The following NPSR1 variants were observed in gnomAD, a reference collection of about 807,000 sequenced individuals.
NPSR1 encodes the protein neuropeptide S receptor.
Under a neutral mutation model 46.9 loss-of-function variants are expected in NPSR1, and 48 were observed. The ratio of observed to expected loss-of-function variants is 1.02; its 90% CI spans 0.81 to 1.30. The LOEUF (loss-of-function observed/expected upper bound fraction) is 1.30, where lower values mean the gene tolerates loss of function less well. Ranked by LOEUF, NPSR1 falls within the 50% of genes most tolerant of loss-of-function variation. NPSR1 has a pLI of 0.00. For synonymous variants in NPSR1, 176 were observed against 168.1 expected, an observed-to-expected ratio of 1.05 and a Z score of -0.36; for missense variants, 450 against 449.5, an observed-to-expected ratio of 1.00 and a Z score of -0.01.
At chr7:34,841,045 T>A (rs960808024) in intron 6 of NPSR1, among the ~76,000 whole-genome samples, 9 of 152,234 alleles carry the variant, frequency 5.9e-5, no homozygotes, top group African/African-American at 2.2e-4. Flanking sequence ...GTTTCAAGAA[T>A]TTTAGAAATC....
At chr7:34,770,329 TC>T (rs1786621054) in intron 2 of NPSR1, among the ~76,000 whole-genome samples, 1 of 152,214 alleles carries the variant, frequency 6.6e-6, no homozygotes, top group African/African-American at 2.4e-5. Context: ...ACTGCTCACA[TC>T]TGACCTTCTC....
At chr7:34,750,718 A>G (rs1785474473) in intron 2 of NPSR1, 1 of 697,730 alleles carries the variant, frequency 1.4e-6, no homozygotes, top group Non-Finnish European at 2.7e-6. Context: ...AACAGTCAAA[A>G]TTGCCAAGCA....
intron 2 of NPSR1, chr7:34,750,692 G>T (rs1785473120): frequency 2.8e-6 from 2 of 701,828 alleles, no homozygotes; most frequent in East Asian, 5.9e-5. Context: ...GGACTCATCT[G>T]ACAGTTTATC....
intron 2 of NPSR1, among the ~76,000 whole-genome samples, chr7:34,720,048 G>A (rs376542494): frequency 6.6e-6 from 1 of 151,796 alleles, no homozygotes; most frequent in East Asian, 1.9e-4. Context: ...TTGGGAGGCC[G>A]AGGCGGGTGG....
At position 34,777,671 on chromosome 7, in the gene NPSR1, C is replaced by A. The variant is rs115260162; in HGVS notation, c.281-791C>A. ...ATCAGTGGAACCTTCTATTCTGCAA[C>A]CTTGCCTGCAGCACTCTTTTGAGAA... On this transcript the variant is annotated intron_variant, in intron 2 of 8. Coordinates refer to ENST00000360581, the MANE Select transcript of NPSR1 (RefSeq NM_207172.2). 5.7e-3 allele frequency among the ~76,000 whole-genome samples: 867 copies of A among 152,184 alleles called. 6 individuals carry two copies. Among genetic ancestry groups the A allele is most frequent in the African/African-American group, 0.017 (721 of 41,504 alleles).
intron 3 of NPSR1, among the ~76,000 whole-genome samples, chr7:34,791,080 T>A (rs1410439529): frequency 2.0e-5 from 2 of 100,654 alleles, no homozygotes; most frequent in Non-Finnish European, 3.6e-5. Context: ...TTATATATGT[T>A]ATATGTTATA....
rs753340586 is a variant in NPSR1 at position 34,827,438 on chromosome 7, C to G, written c.516C>G (p.Ser172Arg). 2.5e-6 allele frequency: 4 copies of G among 1,613,926 alleles called. No homozygotes were observed. The highest frequency in any genetic ancestry group is 2.5e-6 in the Non-Finnish European group (3 of 1,180,018). The change falls in exon 5 of 9, where the codon AGC (serine) becomes AGG (arginine). Residue 172 changes from serine (S) to arginine (R), a missense_variant. Ser to Arg is a moderately radical substitution (Grantham distance 110). Coordinates refer to ENST00000360581, the MANE Select transcript of NPSR1 (RefSeq NM_207172.2). ...QARVLIVIAWSLSFLFSIPTL... is the reference protein window; with the variant it reads ...QARVLIVIAWRLSFLFSIPTL... ...GGGTCCTCATTGTGATCGCCTGGAG[C>G]CTGTCTTTTCTGTTCTCCATTCCCA...
At chr7:34,845,585 C>G (rs1160275124) in intron 7 of NPSR1, 1 of 455,740 alleles carries the variant, frequency 2.2e-6, no homozygotes, top group Admixed American at 2.4e-5. Context: ...CCTGAGGGCT[C>G]CTTGATAAGT....
At position 34,858,865 on chromosome 7, in the gene NPSR1, G is replaced by T. The variant is rs148930766; in HGVS notation, c.1025+10202G>T. Reference sequence around the variant, plus strand: ...ATGGGAGCTACAGGATGAGATCTGGGGGGGGGACACAGATCCAAACCATAT... The same window carrying T: ...ATGGGAGCTACAGGATGAGATCTGGTGGGGGGACACAGATCCAAACCATAT... On this transcript the variant is annotated intron_variant, in intron 8 of 8. Transcript: ENST00000359791. Among the ~76,000 whole-genome samples, 19 of 151,826 alleles carry T rather than the reference G, an allele frequency of 1.3e-4. No individual in the cohort carries two copies. The East Asian group carries it at 1.4e-3, about 11-fold the overall frequency.
At chr7:34,851,340 G>A (rs375693382), downstream of NPSR1, among the ~76,000 whole-genome samples, 76 of 144,068 alleles carry the variant, frequency 5.3e-4, 1 homozygote, top group South Asian at 0.012. Flanking sequence ...TTTTCAATTC[G>A]ATCTGACCTT....
chr7:34,689,766 G>A (rs2128688547), intron 2 of NPSR1, among the ~76,000 whole-genome samples: 1 of 151,530 alleles, frequency 6.6e-6, no homozygotes, highest in African/African-American at 2.4e-5. Flanking sequence ...AACATAGTGA[G>A]ACCCCCATCT....
In NPSR1 at chr7:34,716,841, C is replaced by G. The variant is rs140581031; in HGVS notation, c.280+32157C>G. 4.9e-3 allele frequency among the ~76,000 whole-genome samples: 745 copies of G among 152,240 alleles called. 4 individuals are homozygous for G. Among genetic ancestry groups the G allele is most frequent in the Non-Finnish European group, 7.9e-3 (536 of 68,008 alleles). The stretch of plus-strand genomic sequence containing the variant: ...TAAGGGTCCTAATTCCTTTCTCAGC[C>G]TCTGGGTATCCCAAGTCTCTAACTT... On this transcript the variant is annotated intron_variant, in intron 2 of 8. Transcript: ENST00000360581.
intron 2 of NPSR1, among the ~76,000 whole-genome samples, chr7:34,730,200 T>C (rs2128713256): frequency 6.6e-6 from 1 of 152,352 alleles, no homozygotes; most frequent in East Asian, 1.9e-4. Context: ...ACAGAATTAA[T>C]GGTCAGAAAC....
At chr7:34,689,422 G>A (rs563913376) in intron 2 of NPSR1, among the ~76,000 whole-genome samples, 3 of 151,404 alleles carry the variant, frequency 2.0e-5, no homozygotes, top group East Asian at 2.0e-4. Flanking sequence ...TGGCTAATAC[G>A]GTGATACCCG....
chr7:34,821,067 C>T (rs368577494), intron 4 of NPSR1, among the ~76,000 whole-genome samples: 3 of 148,504 alleles, frequency 2.0e-5, no homozygotes, highest in Admixed American at 6.7e-5. Flanking sequence ...GAAATCCATT[C>T]GGAAGGTTGG....
At chr7:34,700,487 A>G (rs1793770288) in intron 2 of NPSR1, among the ~76,000 whole-genome samples, 1 of 152,324 alleles carries the variant, frequency 6.6e-6, no homozygotes, top group Admixed American at 6.5e-5. Context: ...CAGAGAAGAC[A>G]TACAAATCCC....
At position 34,827,270 on chromosome 7, in the gene NPSR1, A is replaced by ACTGAGGC; in HGVS notation, c.479-130_479-124dup. 3 of 664,368 alleles carry ACTGAGGC rather than the reference A, an allele frequency of 4.5e-6. No individual in the cohort carries two copies. The South Asian group carries it at 5.6e-5, about 12-fold the overall frequency. The allele number at this position is 664,368 out of a possible 1,614,324, so 41.2% of individuals were successfully genotyped here. ...TGTATCCCTGTTTACAGAGAAGGAA[A>ACTGAGGC]CTGAGGCTCTGGGAGGTTCTTTGAG... is the stretch of plus-strand genomic sequence containing the variant. On this transcript the variant is annotated intron_variant, in intron 4 of 8. Transcript: ENST00000360581.
Position 34,778,483 on chromosome 7 carries a change from A to T in NPSR1, c.302A>T (p.Asn101Ile), listed in dbSNP as rs1432152237. 1 of 1,609,088 alleles carries T rather than the reference A, an allele frequency of 6.2e-7. No individual in the cohort carries two copies. The highest frequency in any genetic ancestry group is 8.5e-7 in the Non-Finnish European group (1 of 1,176,182). ...TTAGATTCTTTCACAGGACTGGTCAACATCTTGACAGATATTAATTGGCGA... is the reference window on the plus strand; with the variant it reads ...TTAGATTCTTTCACAGGACTGGTCATCATCTTGACAGATATTAATTGGCGA... ...AITDSFTGLVNILTDINWRFT... is the reference protein window; with the variant it reads ...AITDSFTGLVIILTDINWRFT... The change falls in exon 3 of 9, where the codon AAC becomes ATC. Residue 101 changes from asparagine to isoleucine, a missense_variant. Coordinates refer to ENST00000360581, the MANE Select transcript of NPSR1 (RefSeq NM_207172.2).
intron 2 of NPSR1, among the ~76,000 whole-genome samples, chr7:34,700,222 T>TGGAA (rs569169881): frequency 8.2e-4 from 124 of 151,834 alleles, no homozygotes; most frequent in African/African-American, 2.5e-3. Flanking sequence ...ACAACAGAGC[T>TGGAA]GGAAGGAAGG....
Sources: allele counts gnomAD v4.1 joint callset (sites outside exome capture counted in the v4.1 genomes callset), GRCh38; gene constraint gnomAD v4.1.1; transcripts MANE v1.5; gene names NCBI Gene and HGNC (gene_info 2026-07-23, HGNC 2026-07-21).